NBAS: variants seen among roughly 807,000 people sequenced by gnomAD.
The protein encoded by NBAS is NAG/BC035112 fusion.
NBAS carries 219 observed loss-of-function variants against 302.5 expected under a neutral mutation model. The ratio of observed to expected loss-of-function variants is 0.72; its 90% confidence interval spans 0.65 to 0.81. The LOEUF (loss-of-function observed/expected upper bound fraction) is 0.81, where lower values mean the gene tolerates loss of function less well. Among genes scored for constraint, NBAS ranks in the 30% least tolerant of loss-of-function variants. The pLI is 0.00. For synonymous variants in NBAS, 1,118 were observed against 1,021.6 expected, an observed-to-expected ratio of 1.09 and a Z score of -1.80; for missense variants, 2,932 against 2,841.6, an observed-to-expected ratio of 1.03 and a Z score of -0.72.
the NBAS span, among the ~76,000 whole-genome samples, chr2:14,910,052 C>T: frequency 6.6e-6 from 1 of 152,188 alleles, no homozygotes; most frequent in Non-Finnish European, 1.5e-5. Flanking sequence ...ACTTTCATCT[C>T]CACAGATAAT....
At chr2:14,854,517 A>G in the NBAS span, among the ~76,000 whole-genome samples, 2 of 151,818 alleles carry the variant, frequency 1.3e-5, no homozygotes, top group African/African-American at 4.9e-5. Context: ...CAAATTGCTG[A>G]AAAAGGTGCT....
chr2:15,376,860 G>C (rs1674769865), intron 30 of NBAS, among the ~76,000 whole-genome samples: 1 of 152,116 alleles, frequency 6.6e-6, no homozygotes, highest in Admixed American at 6.6e-5. Context: ...TGAGGTGCCA[G>C]GTTACACACA....
chr2:15,008,150 T>G, the NBAS span, among the ~76,000 whole-genome samples: 2 of 152,058 alleles, frequency 1.3e-5, no homozygotes, highest in Non-Finnish European at 2.9e-5. Context: ...CCCACAGAGG[T>G]AATTACACCC....
At chr2:15,156,390 G>C in the NBAS span, among the ~76,000 whole-genome samples, 19 of 152,190 alleles carry the variant, frequency 1.2e-4, no homozygotes, top group African/African-American at 4.3e-4. Flanking sequence ...TGTGTGGAAA[G>C]CTGTCTTCGT....
chr2:15,484,111 C>T (rs1427753930), intron 12 of NBAS, among the ~76,000 whole-genome samples: 2 of 152,124 alleles, frequency 1.3e-5, no homozygotes, highest in Non-Finnish European at 2.9e-5. Context: ...AGCCACTTTA[C>T]ATATTTGGTA....
the NBAS span, among the ~76,000 whole-genome samples, chr2:14,990,119 A>G: frequency 3.2e-4 from 49 of 151,890 alleles, no homozygotes; most frequent in African/African-American, 1.1e-3. Context: ...TAATCCTTAA[A>G]TTGTTAAAAC....
At chr2:15,419,626 GC>G (rs1677114530) in intron 23 of NBAS, among the ~76,000 whole-genome samples, 1 of 152,064 alleles carries the variant, frequency 6.6e-6, no homozygotes, top group Admixed American at 6.5e-5. Context: ...CTTGTGAGGT[GC>G]CCATATCTTG....
the NBAS span, among the ~76,000 whole-genome samples, chr2:14,831,503 G>C: frequency 5.3e-5 from 8 of 152,102 alleles, no homozygotes; most frequent in African/African-American, 1.9e-4. Flanking sequence ...AATAATGCAG[G>C]GGAAGGCTAA....
intron 23 of NBAS, among the ~76,000 whole-genome samples, chr2:15,418,814 C>A (rs1458294396): frequency 6.6e-6 from 1 of 152,072 alleles, no homozygotes; most frequent in Non-Finnish European, 1.5e-5. Flanking sequence ...AGAAAGACGG[C>A]TAGAGTAGGA....
chr2:15,167,376 C>A, intron 51 of NBAS, 53 bp from the exon 52 acceptor site: 2 of 1,601,546 alleles, frequency 1.2e-6, no homozygotes, highest in African/African-American at 1.3e-5. Flanking sequence ...TTGTTCGCCT[C>A]CCCCTTGGAT....
intron 47 of NBAS, among the ~76,000 whole-genome samples, chr2:15,223,214 C>T (rs1418515410): frequency 6.6e-6 from 1 of 152,136 alleles, no homozygotes; most frequent in African/African-American, 2.4e-5. Context: ...CACAGTCACT[C>T]TTACGGTTCA....
intron 30 of NBAS, among the ~76,000 whole-genome samples, chr2:15,376,800 A>C (rs963500500): frequency 6.6e-6 from 1 of 152,176 alleles, no homozygotes; most frequent in African/African-American, 2.4e-5. Context: ...CTCTACATTC[A>C]ACATAACTGT....
chr2:15,462,828 G>A (rs1054084121), intron 19 of NBAS, among the ~76,000 whole-genome samples: 1 of 152,062 alleles, frequency 6.6e-6, no homozygotes, highest in Non-Finnish European at 1.5e-5. Flanking sequence ...AATAGAATGA[G>A]TTTGAAAGAG....
chr2:15,010,877 A>G, the NBAS span, among the ~76,000 whole-genome samples: 2 of 152,204 alleles, frequency 1.3e-5, no homozygotes, highest in African/African-American at 2.4e-5. Flanking sequence ...ATTTCACACT[A>G]ACATAACACT....
intron 51 of NBAS, among the ~76,000 whole-genome samples, chr2:15,175,396 G>A (rs1026089007): frequency 5.3e-5 from 8 of 152,166 alleles, no homozygotes; most frequent in Admixed American, 2.0e-4. Context: ...AGCAGGAGCC[G>A]TTACAAATCG....
chr2:15,360,644 C>T (rs1235387224), intron 32 of NBAS, among the ~76,000 whole-genome samples: 2 of 136,324 alleles, frequency 1.5e-5, no homozygotes, highest in African/African-American at 5.5e-5. Flanking sequence ...GCCGCCATGA[C>T]CAGCCTTTTT....
the NBAS span, among the ~76,000 whole-genome samples, chr2:15,025,449 CT>C: frequency 1.3e-5 from 2 of 152,024 alleles, no homozygotes; most frequent in African/African-American, 4.8e-5. Context: ...GCTATTTGGG[CT>C]TTTTTTGTTC....
At chr2:14,839,812 A>G in the NBAS span, among the ~76,000 whole-genome samples, 164 of 152,140 alleles carry the variant, frequency 1.1e-3, no homozygotes, top group African/African-American at 3.9e-3. Flanking sequence ...GTAGAAGCCC[A>G]AACAAAAGCC....
the NBAS span, among the ~76,000 whole-genome samples, chr2:15,029,193 T>C: frequency 4.6e-5 from 7 of 152,210 alleles, no homozygotes; most frequent in African/African-American, 1.7e-4. Flanking sequence ...GATTTTAAAA[T>C]ATAGCTTTTA....
Sources: allele counts gnomAD v4.1 joint callset (sites outside exome capture counted in the v4.1 genomes callset), GRCh38; gene constraint gnomAD v4.1.1; transcripts MANE v1.5; gene names NCBI Gene and HGNC (gene_info 2026-07-23, HGNC 2026-07-21).